Variants in CNTN6 observed in about 807,000 individuals in gnomAD.
CNTN6 encodes contactin 6.
CNTN6 carries 137 observed loss-of-function variants against 122.8 expected under a neutral mutation model. The observed-to-expected ratio is 1.12, with a 90% confidence interval of 0.97 to 1.29. The LOEUF (loss-of-function observed/expected upper bound fraction) is 1.29. Among genes scored for constraint, CNTN6 ranks in the 50% most tolerant of loss-of-function variants. The pLI is 0.00. For synonymous variants in CNTN6, 570 were observed against 426.0 expected, an observed-to-expected ratio of 1.34 and a Z score of -4.16; for missense variants, 1,634 against 1,223.4, an observed-to-expected ratio of 1.34 and a Z score of -5.01.
At chr3:1,380,312 G>A (rs1440455299) in intron 17 of CNTN6, among the ~76,000 whole-genome samples, 1 of 152,030 alleles carries the variant, frequency 6.6e-6, no homozygotes. Flanking sequence ...TCTTTCCCGT[G>A]TTTTCCCCAG....
At chr3:1,285,880 C>G (rs1694248050) in intron 5 of CNTN6, among the ~76,000 whole-genome samples, 2 of 152,324 alleles carry the variant, frequency 1.3e-5, no homozygotes, top group South Asian at 2.1e-4. Context: ...AAACAACACA[C>G]AGAGAGGTCT....
chr3:1,182,306 G>T lies in CNTN6; in HGVS notation c.55+34243G>T, dbSNP rs559605479. ...CTGGAATCTGATGATGAGCATCTTTGTTCTCCAGATTTCAAGGAGGTACTC... is the reference window on the plus strand; with the variant it reads ...CTGGAATCTGATGATGAGCATCTTTTTTCTCCAGATTTCAAGGAGGTACTC... On this transcript the variant is annotated intron_variant, in intron 2 of 22. Coordinates refer to ENST00000446702, the MANE Select transcript of CNTN6 (RefSeq NM_001289080.2). Among the ~76,000 whole-genome samples the T allele has an allele frequency of 2.0e-5, 3 of 152,216 alleles. No individual in the cohort carries two copies. In the East Asian group the frequency reaches 5.8e-4, roughly 29 times the overall value.
At chr3:1,379,554 T>C (rs1710357013) in intron 17 of CNTN6, among the ~76,000 whole-genome samples, 1 of 152,130 alleles carries the variant, frequency 6.6e-6, no homozygotes, top group Non-Finnish European at 1.5e-5. Context: ...CTTGCACATG[T>C]ACCCCCGAAT....
chr3:1,328,879 C>T (rs1701891446), intron 10 of CNTN6, among the ~76,000 whole-genome samples: 2 of 151,670 alleles, frequency 1.3e-5, no homozygotes, highest in Non-Finnish European at 2.9e-5. Flanking sequence ...CTAATAATTT[C>T]TTGTCCTTCT....
chr3:1,351,052 T>TA (rs1157975375), intron 11 of CNTN6, among the ~76,000 whole-genome samples: 1 of 151,826 alleles, frequency 6.6e-6, no homozygotes, highest in African/African-American at 2.4e-5. Context: ...ATAATGACTT[T>TA]AAAAAATCTG....
At chr3:1,104,779 C>CAAAAAATAAAAAAAT (rs1403178126) in intron 1 of CNTN6, among the ~76,000 whole-genome samples, 1 of 151,960 alleles carries the variant, frequency 6.6e-6, no homozygotes, top group Non-Finnish European at 1.5e-5. Flanking sequence ...ATTTAAAATA[C>CAAAAAATAAAAAAAT]AAAATTGAAA....
At chr3:1,379,914 C>T (rs888823442) in intron 17 of CNTN6, among the ~76,000 whole-genome samples, 1 of 152,032 alleles carries the variant, frequency 6.6e-6, no homozygotes, top group Non-Finnish European at 1.5e-5. Flanking sequence ...GGTAGTAATT[C>T]CTTCAATTTA....
At chr3:1,261,818 CATA>C (rs1285513605) in intron 4 of CNTN6, among the ~76,000 whole-genome samples, 1 of 152,078 alleles carries the variant, frequency 6.6e-6, no homozygotes, top group Non-Finnish European at 1.5e-5. Flanking sequence ...CATTTTATCA[CATA>C]ATTTTAATTT....
chr3:1,245,568 A>G (rs1473044535), intron 4 of CNTN6, among the ~76,000 whole-genome samples: 1 of 150,804 alleles, frequency 6.6e-6, no homozygotes, highest in Admixed American at 6.7e-5. Flanking sequence ...ATAAAAGATT[A>G]CATATTGGGT....
intron 1 of CNTN6, among the ~76,000 whole-genome samples, chr3:1,103,276 G>A (rs1268845462): frequency 1.3e-5 from 2 of 152,154 alleles, no homozygotes; most frequent in African/African-American, 2.4e-5. Flanking sequence ...GTGAATCTGT[G>A]TTGCTGACAG....
chr3:1,237,268 TCAAA>T (rs2094434170), intron 4 of CNTN6, among the ~76,000 whole-genome samples: 1 of 151,674 alleles, frequency 6.6e-6, no homozygotes, highest in South Asian at 2.1e-4. Context: ...AGCAATAGAA[TCAAA>T]CAAGCAGAAG....
intron 2 of CNTN6, among the ~76,000 whole-genome samples, chr3:1,215,143 T>C (rs1032196614): frequency 2.0e-5 from 3 of 152,248 alleles, no homozygotes; most frequent in Non-Finnish European, 4.4e-5. Flanking sequence ...AGTCACTTAA[T>C]CAGCAAACGC....
At chr3:1,254,806 T>A (rs879912070) in intron 4 of CNTN6, among the ~76,000 whole-genome samples, 2 of 152,122 alleles carry the variant, frequency 1.3e-5, no homozygotes, top group Non-Finnish European at 2.9e-5. Context: ...TCTGTTAGAG[T>A]TTTTTGTATC....
intron 1 of CNTN6, among the ~76,000 whole-genome samples, chr3:1,098,789 C>CACACACATATAT (rs1211008614): frequency 7.9e-5 from 5 of 63,252 alleles, no homozygotes; most frequent in Non-Finnish European, 8.2e-5. Flanking sequence ...CACACACACA[C>CACACACATATAT]ATATATATAT....
At chr3:1,339,577 G>A (rs1280962891) in intron 11 of CNTN6, among the ~76,000 whole-genome samples, 4 of 152,092 alleles carry the variant, frequency 2.6e-5, no homozygotes, top group East Asian at 3.9e-4. Flanking sequence ...GTTTCAACAG[G>A]TTGCAGGTAA....
chr3:1,248,836 A>G (rs2094618325), intron 4 of CNTN6, among the ~76,000 whole-genome samples: 1 of 151,944 alleles, frequency 6.6e-6, no homozygotes, highest in Non-Finnish European at 1.5e-5. Flanking sequence ...AGCCTGGACA[A>G]CAAGAGAGAA....
intron 2 of CNTN6, among the ~76,000 whole-genome samples, chr3:1,212,536 C>T (rs955671309): frequency 2.6e-4 from 39 of 149,580 alleles, no homozygotes; most frequent in African/African-American, 8.7e-4. Flanking sequence ...TATATATATA[C>T]ACACACACAT....
intron 1 of CNTN6, among the ~76,000 whole-genome samples, chr3:1,142,743 A>G (rs528936246): frequency 6.6e-6 from 1 of 151,924 alleles, no homozygotes; most frequent in South Asian, 2.1e-4. Flanking sequence ...TTGCAGTGAA[A>G]TTTTATTTAC....
intron 12 of CNTN6, among the ~76,000 whole-genome samples, chr3:1,369,167 A>G (rs1443498725): frequency 1.3e-5 from 2 of 152,088 alleles, no homozygotes; most frequent in Non-Finnish European, 2.9e-5. Context: ...CCAGCTCACT[A>G]CTACTTGCCT....
Sources: allele counts gnomAD v4.1 joint callset (sites outside exome capture counted in the v4.1 genomes callset), GRCh38; gene constraint gnomAD v4.1.1; transcripts MANE v1.5; gene names NCBI Gene and HGNC (gene_info 2026-07-23, HGNC 2026-07-21).